ADAMTS19: variants seen among roughly 807,000 people sequenced by gnomAD.
ADAMTS19 encodes A disintegrin and metalloproteinase with thrombospondin motifs 19.
A neutral mutation model predicts 153.3 loss-of-function variants in ADAMTS19; 93 were observed. The ratio of observed to expected loss-of-function variants is 0.61; its 90% CI spans 0.51 to 0.72. ADAMTS19 has a LOEUF of 0.72. ADAMTS19 is among the 30% of genes least tolerant of loss of function. The pLI, the probability that ADAMTS19 is intolerant of heterozygous loss-of-function variation, is 0.00. For missense variants in ADAMTS19, 1,482 were observed against 1,552.1 expected (o/e 0.95, Z 0.76); for synonymous variants, 600 against 556.6 (o/e 1.08, Z -1.10).
chr5:129,533,106 A>T (rs978435066), intron 6 of ADAMTS19, among the ~76,000 whole-genome samples: 7 of 152,188 alleles, frequency 4.6e-5, no homozygotes, highest in African/African-American at 9.6e-5. Flanking sequence ...CCACCACAAA[A>T]AAAAAAATTA....
At chr5:129,716,573 CTTTT>C (rs35089778) in intron 21 of ADAMTS19, among the ~76,000 whole-genome samples, 1,897 of 137,344 alleles carry the variant, frequency 0.014, 34 homozygotes, top group African/African-American at 0.045. Context: ...CTTCCAGTTT[CTTTT>C]TTTTTTTTTT....
At position 129,609,835 on chromosome 5, in the gene ADAMTS19, G is replaced by A. The variant is rs149301712; in HGVS notation, c.1479-10783G>A. Among the ~76,000 whole-genome samples the A allele has an allele frequency of 6.1e-3, 933 of 152,254 alleles. 13 individuals are homozygous for A. The highest frequency in any genetic ancestry group is 0.022 in the African/African-American group (896 of 41,564). ...AATTCTCTGATGTTTCTTGGCAAATGCATGTCCTAGAGTAAAGCAGGCAAT... is the reference window on the plus strand; with the variant it reads ...AATTCTCTGATGTTTCTTGGCAAATACATGTCCTAGAGTAAAGCAGGCAAT... On this transcript the variant is annotated intron_variant, in intron 8 of 22. Coordinates refer to ENST00000274487, the MANE Select transcript of ADAMTS19 (RefSeq NM_133638.6).
intron 6 of ADAMTS19, among the ~76,000 whole-genome samples, chr5:129,546,837 T>C (rs1234498994): frequency 6.6e-6 from 1 of 151,112 alleles, no homozygotes; most frequent in Non-Finnish European, 1.5e-5. Flanking sequence ...ACATAAGCCC[T>C]GATGGTTTTT....
intron 6 of ADAMTS19, among the ~76,000 whole-genome samples, chr5:129,543,048 GTTT>G (rs745799730): frequency 2.1e-5 from 3 of 140,346 alleles, no homozygotes; most frequent in East Asian, 2.1e-4. Flanking sequence ...TTGTTGTTTT[GTTT>G]TTTTTTTTTT....
At chr5:129,639,011 A>G (rs1387435714) in intron 10 of ADAMTS19, among the ~76,000 whole-genome samples, 2 of 152,200 alleles carry the variant, frequency 1.3e-5, no homozygotes, top group Non-Finnish European at 2.9e-5. Context: ...TCTTTTTACT[A>G]TAGAAGCATA....
At chr5:129,465,710 A>G (rs1271776321) in intron 2 of ADAMTS19, among the ~76,000 whole-genome samples, 7 of 152,342 alleles carry the variant, frequency 4.6e-5, no homozygotes, top group African/African-American at 1.4e-4. Flanking sequence ...AAATAAACAC[A>G]TAACGAGGAG....
chr5:129,735,070 G>C lies in ADAMTS19; in HGVS notation c.3451G>C (p.Glu1151Gln). The C allele has an allele frequency of 6.2e-7, 1 of 1,603,546 alleles. No individual in the cohort carries two copies. Among genetic ancestry groups the C allele is most frequent in the Non-Finnish European group, 8.5e-7 (1 of 1,176,102 alleles). ...GCCATGCCATCTTCAACCCTGCAAT[G>C]AGAAAATTAATGTAAATACCATAAC... is the stretch of plus-strand genomic sequence containing the variant. The part of the protein sequence containing the change: ...YRPCHLQPCN[E>Q]KINVNTITSP... Residue 1151 changes from glutamate (E) to glutamine (Q), a missense_variant, in exon 22 of 23, where the codon GAG (glutamate) becomes CAG (glutamine). Physicochemically the swap from Glu to Gln is conservative, Grantham distance 29. Coordinates refer to ENST00000274487, the MANE Select transcript of ADAMTS19 (RefSeq NM_133638.6).
intron 10 of ADAMTS19, among the ~76,000 whole-genome samples, chr5:129,635,803 A>G (rs543998171): frequency 1.4e-4 from 22 of 152,278 alleles, no homozygotes; most frequent in African/African-American, 5.1e-4. Flanking sequence ...CTTACTACCT[A>G]GGTGATGAAA....
chr5:129,540,750 C>T (rs1442176210), intron 6 of ADAMTS19, among the ~76,000 whole-genome samples: 1 of 152,040 alleles, frequency 6.6e-6, no homozygotes, highest in Non-Finnish European at 1.5e-5. Context: ...TTCTCAGATG[C>T]ATCTTCATTC....
chr5:129,461,123 G>T lies in ADAMTS19; in HGVS notation c.113G>T (p.Arg38Leu), dbSNP rs1208079610. The T allele has an allele frequency of 7.0e-7, 1 of 1,420,054 alleles. No individual in the cohort carries two copies. Among genetic ancestry groups the T allele is most frequent in the Admixed American group, 2.7e-5 (1 of 36,874 alleles). 88.0% of individuals were successfully genotyped at this position (1,420,054 alleles called of 1,614,324 possible). A position where few individuals can be genotyped will look rare whatever the true frequency, so the allele number is the denominator to read the frequency against. The part of the protein sequence containing the change: ...IVSELQFAPD[R>L]EEWEVVFPAL... ...GCAGAGCTGCAGTTCGCCCCCGACC[G>T]CGAGGAGTGGGAAGTCGTGTTTCCT... The change falls in exon 2 of 23, where the codon CGC (arginine) becomes CTC (leucine). Residue 38 changes from arginine to leucine, a missense_variant. Coordinates refer to ENST00000274487, the MANE Select transcript of ADAMTS19 (RefSeq NM_133638.6). The surrounding 1 kb of genome is among the most constrained non-coding windows in gnomAD (Gnocchi z 4.6).
At chr5:129,651,689 C>A (rs1268408450) in intron 13 of ADAMTS19, among the ~76,000 whole-genome samples, 1 of 152,156 alleles carries the variant, frequency 6.6e-6, no homozygotes, top group East Asian at 1.9e-4. Flanking sequence ...TCCCTCTGAT[C>A]CTCCAAATTA....
chr5:129,647,640 C>T, intron 11 of ADAMTS19, 125 bp from the exon 12 acceptor site: 1 of 1,165,044 alleles, frequency 8.6e-7, no homozygotes, highest in Non-Finnish European at 1.2e-6. Flanking sequence ...TTGGTCTTTC[C>T]TAATTCCCCA....
chr5:129,655,222 C>G (rs1753493580), intron 14 of ADAMTS19, among the ~76,000 whole-genome samples: 1 of 152,176 alleles, frequency 6.6e-6, no homozygotes, highest in African/African-American at 2.4e-5. Context: ...TTAGCTGACC[C>G]TGTGGGAAGT....
chr5:129,500,339 A>T (rs1178044558), intron 2 of ADAMTS19: 1 of 152,206 alleles, frequency 6.6e-6, no homozygotes, highest in African/African-American at 2.4e-5. Flanking sequence ...GCAGGTTCTT[A>T]GGTGACAGAT....
At chr5:129,642,758 C>T (rs1401658260) in intron 11 of ADAMTS19, among the ~76,000 whole-genome samples, 2 of 152,092 alleles carry the variant, frequency 1.3e-5, no homozygotes, top group Admixed American at 1.3e-4. Flanking sequence ...CTATAGATTT[C>T]TTATGGTGAA....
chr5:129,462,526 A>G (rs1749710858), intron 2 of ADAMTS19, among the ~76,000 whole-genome samples: 2 of 152,040 alleles, frequency 1.3e-5, no homozygotes, highest in East Asian at 1.9e-4. Flanking sequence ...TGCTCTGTCA[A>G]TGTAGAACAT....
intron 10 of ADAMTS19, among the ~76,000 whole-genome samples, chr5:129,636,367 G>T (rs1752534210): frequency 6.6e-6 from 1 of 151,166 alleles, no homozygotes; most frequent in Non-Finnish European, 1.5e-5. Flanking sequence ...TCTTAATTCT[G>T]TATCATTTTC....
chr5:129,522,152 G>A (rs1472067157), intron 3 of ADAMTS19, among the ~76,000 whole-genome samples: 3 of 149,530 alleles, frequency 2.0e-5, no homozygotes, highest in African/African-American at 2.5e-5. Flanking sequence ...TCCCTTGAAG[G>A]CCAATTATAT....
chr5:129,501,179 G>T (rs1055494080), intron 2 of ADAMTS19, among the ~76,000 whole-genome samples: 7 of 152,068 alleles, frequency 4.6e-5, no homozygotes, highest in African/African-American at 1.7e-4. Context: ...AGAAAAGATT[G>T]TAGGAAAGAA....
Sources: allele counts gnomAD v4.1 joint callset (sites outside exome capture counted in the v4.1 genomes callset), GRCh38; gene constraint gnomAD v4.1.1; non-coding constraint Gnocchi (gnomAD v3.1); transcripts MANE v1.5; gene names NCBI Gene and HGNC (gene_info 2026-07-23, HGNC 2026-07-21).